Variants in TM4SF18 observed in about 807,000 individuals in gnomAD.
TM4SF18 encodes transmembrane 4 L six family member 18.
In TM4SF18, 22 loss-of-function variants were observed where a neutral mutation model predicts 23.8. The ratio of observed to expected loss-of-function variants is 0.92; its 90% confidence interval spans 0.66 to 1.32. TM4SF18 has a LOEUF of 1.32. Ranked by LOEUF, TM4SF18 falls within the 40% of genes most tolerant of loss-of-function variation. The pLI, the probability that TM4SF18 is intolerant of heterozygous loss-of-function variation, is 0.00. For missense variants in TM4SF18, 255 were observed against 240.3 expected (o/e 1.06, Z -0.41); for synonymous variants, 87 against 87.9 (o/e 0.99, Z 0.06).
At chr3:149,330,083 GA>G (rs139171549) in intron 3 of TM4SF18, 12 of 285,262 alleles carry the variant, frequency 4.2e-5, no homozygotes, top group Admixed American at 2.1e-4. Context: ...ACTTAGTTAG[GA>G]AAAAAAAGTA....
intron 3 of TM4SF18, among the ~76,000 whole-genome samples, chr3:149,327,738 A>G (rs756608751): frequency 1.9e-4 from 29 of 152,200 alleles, no homozygotes; most frequent in Non-Finnish European, 4.1e-4. Flanking sequence ...ACTGAGTATG[A>G]CATTAATATA....
intron 3 of TM4SF18, among the ~76,000 whole-genome samples, chr3:149,325,377 A>G (rs1239917198): frequency 6.6e-6 from 1 of 152,210 alleles, no homozygotes; most frequent in Non-Finnish European, 1.5e-5. Context: ...TTTTCTAGGT[A>G]GAGTGGGTTC....
intron 3 of TM4SF18, among the ~76,000 whole-genome samples, chr3:149,329,428 C>A (rs550000117): frequency 6.6e-6 from 1 of 152,156 alleles, no homozygotes; most frequent in East Asian, 1.9e-4. Context: ...TTCCAAGCTC[C>A]CAGGTGATTG....
In TM4SF18 at chr3:149,324,872, T is replaced by C. The variant is rs1730898547; in HGVS notation, c.410+8A>G. On this transcript the variant is annotated splice_region_variant and intron_variant, in intron 4 of 5. Coordinates refer to ENST00000296059, the MANE Select transcript of TM4SF18 (RefSeq NM_138786.4). Reference sequence around the variant, plus strand: ...CCGACCTCCTTGGTTTGGGGAATTATTCCTTACCGTCCAGCAGTGCCTTCA... The same window carrying C: ...CCGACCTCCTTGGTTTGGGGAATTACTCCTTACCGTCCAGCAGTGCCTTCA... 1.2e-6 allele frequency: 2 copies of C among 1,614,050 alleles called. No homozygotes were observed. The highest frequency in any genetic ancestry group is 1.7e-6 in the Non-Finnish European group (2 of 1,179,966).
intron 4 of TM4SF18, among the ~76,000 whole-genome samples, chr3:149,323,045 C>T (rs1018728954): frequency 2.6e-5 from 4 of 151,916 alleles, no homozygotes; most frequent in South Asian, 2.1e-4. Flanking sequence ...TACAGGCACC[C>T]GCCACCACGC....
In TM4SF18 at chr3:149,333,245, G is replaced by A. The variant is rs189886573; in HGVS notation, c.138C>T (p.Tyr46=). ...AACAGATTCCTTCAAAATACCACAC[G>A]TAGTTGGTGAGTTTATTGCTGGATG... ...SYASSNKLTN[Y]VWYFEGICFS... Residue 46 remains tyrosine (Y), a synonymous_variant, in exon 2 of 6, where the codon TAC becomes TAT. Coordinates refer to ENST00000296059, the MANE Select transcript of TM4SF18 (RefSeq NM_138786.4). 69 of 1,612,866 alleles carry A rather than the reference G, an allele frequency of 4.3e-5. No homozygotes were observed. The highest frequency in any genetic ancestry group is 5.5e-5 in the South Asian group (5 of 90,730).
intron 4 of TM4SF18, 72 bp downstream of exon 4, chr3:149,324,808 A>C: frequency 6.3e-7 from 1 of 1,587,616 alleles, no homozygotes; most frequent in Non-Finnish European, 8.6e-7. Flanking sequence ...ATGGAAAATG[A>C]GCGTGAGCTT....
At chr3:149,327,052 C>G (rs1730965451) in intron 3 of TM4SF18, among the ~76,000 whole-genome samples, 1 of 152,148 alleles carries the variant, frequency 6.6e-6, no homozygotes, top group African/African-American at 2.4e-5. Flanking sequence ...TGGGTTCAAA[C>G]GATTCTCCTG....
At position 149,322,289 on chromosome 3, in the gene TM4SF18, C is replaced by A; in HGVS notation, c.558G>T (p.Lys186Asn). ...CLIRVVMQLS[K>N]ILCGSYSVIF... ...TCACTGAATAGCTTCCACACAGTAT[C>A]TTGGATAGTTGCATGACTACTCTGA... The change falls in exon 5 of 6, where the codon AAG becomes AAT. Residue 186 changes from lysine (K) to asparagine (N), a missense_variant. Coordinates refer to ENST00000296059, the MANE Select transcript of TM4SF18 (RefSeq NM_138786.4). 5.6e-6 allele frequency: 9 copies of A among 1,613,940 alleles called. No individual in the cohort carries two copies. Among genetic ancestry groups the A allele is most frequent in the African/African-American group, 1.3e-5 (1 of 75,038 alleles).
rs189590361 is a variant in TM4SF18 at position 149,320,084 on chromosome 3, T to C, written c.*1394A>G. On this transcript the variant is annotated 3_prime_UTR_variant, in exon 6 of 6. Coordinates refer to ENST00000296059, the MANE Select transcript of TM4SF18 (RefSeq NM_138786.4). ...CAGCAGGCATCAAGGAGAAAGATAT[T>C]CTCTTCCGTATCCCCCCAGCCTACT... 1.3e-5 allele frequency: 2 copies of C among 152,392 alleles called. No individual in the cohort carries two copies. Among genetic ancestry groups the C allele is most frequent in the East Asian group, 3.9e-4 (2 of 5,176 alleles). The allele number at this position is 152,392 out of a possible 1,614,324, so 9.4% of individuals were successfully genotyped here.
At chr3:149,332,291 C>T (rs1340142967) in intron 2 of TM4SF18, among the ~76,000 whole-genome samples, 2 of 151,794 alleles carry the variant, frequency 1.3e-5, no homozygotes, top group East Asian at 1.9e-4. Flanking sequence ...AATTAAAAAC[C>T]CCTAAAAGAT....
rs1382169699 is a variant in TM4SF18, at chr3:149,320,146, T to C, written c.*1332A>G. On this transcript the variant is annotated 3_prime_UTR_variant, in exon 6 of 6. Transcript: ENST00000296059. ...GCACAGAGCAGGTGTTGACAGACCA[T>C]TGTTGACAGTGTCCATGGAGGAGAC... 1 of 152,306 alleles carries C rather than the reference T, an allele frequency of 6.6e-6. No homozygotes were observed. Among genetic ancestry groups the C allele is most frequent in the African/African-American group, 2.4e-5 (1 of 41,436 alleles). 9.4% of individuals were successfully genotyped at this position (152,306 alleles called of 1,614,324 possible).
At chr3:149,324,137 T>C (rs1009293835) in intron 4 of TM4SF18, among the ~76,000 whole-genome samples, 1 of 152,204 alleles carries the variant, frequency 6.6e-6, no homozygotes, top group Non-Finnish European at 1.5e-5. Flanking sequence ...CTCTTCTGTA[T>C]TTCTTTCTGG....
At chr3:149,332,857 A>G (rs890258453) in intron 2 of TM4SF18, among the ~76,000 whole-genome samples, 2 of 152,264 alleles carry the variant, frequency 1.3e-5, no homozygotes, top group Admixed American at 1.3e-4. Flanking sequence ...ACATGAGTGC[A>G]GACAGAAAAT....
At position 149,319,571 on chromosome 3, in the gene TM4SF18, T is replaced by G. The variant is rs1730759659; in HGVS notation, c.*1907A>C. 1 of 152,024 alleles carries G rather than the reference T, an allele frequency of 6.6e-6. No homozygotes were observed. The highest frequency in any genetic ancestry group is 6.6e-5 in the Admixed American group (1 of 15,264). The allele number at this position is 152,024 out of a possible 1,614,324, so 9.4% of individuals were successfully genotyped here. On this transcript the variant is annotated 3_prime_UTR_variant, in exon 6 of 6. Transcript: ENST00000296059. ...AGAGCTGCACTGATTTAGTCGGGGG[T>G]TTACTGAAATGATCAGCACAGTGAC...
chr3:149,320,617 C>T lies in TM4SF18; in HGVS notation c.*861G>A, dbSNP rs1280021619. 1 of 152,104 alleles carries T rather than the reference C, an allele frequency of 6.6e-6. No homozygotes were observed. The highest frequency in any genetic ancestry group is 2.4e-5 in the African/African-American group (1 of 41,390). The allele number at this position is 152,104 out of a possible 1,614,324, so 9.4% of individuals were successfully genotyped here. ...AGTTTATATAAAACTCTTTTTGGCTCATCTATATCACTACTTTCCTCATTG... is the reference window on the plus strand; with the variant it reads ...AGTTTATATAAAACTCTTTTTGGCTTATCTATATCACTACTTTCCTCATTG... On this transcript the variant is annotated 3_prime_UTR_variant, in exon 6 of 6. Coordinates refer to ENST00000296059, the MANE Select transcript of TM4SF18 (RefSeq NM_138786.4).
intron 3 of TM4SF18, among the ~76,000 whole-genome samples, chr3:149,329,502 C>G (rs1731042669): frequency 6.6e-6 from 1 of 152,152 alleles, no homozygotes; most frequent in South Asian, 2.1e-4. Flanking sequence ...CATCATAAAA[C>G]TCCTCCTAGC....
chr3:149,325,013 A>G lies in TM4SF18; in HGVS notation c.277T>C (p.Ser93Pro), dbSNP rs762617469. 3.7e-6 allele frequency: 6 copies of G among 1,613,826 alleles called. No homozygotes were observed. Among genetic ancestry groups the G allele is most frequent in the Non-Finnish European group, 4.2e-6 (5 of 1,179,838 alleles). The change falls in exon 4 of 6, where the codon TCA becomes CCA. Residue 93 changes from serine to proline, a missense_variant. Transcript: ENST00000296059. ...NCSKKYVTLL[S>P]IIFSSLGIAF... ...ATTCCGAGGGAAGAAAAGATAATTGACAGCAGTGTCTAAATTAAAACATAG... is the reference window on the plus strand; with the variant it reads ...ATTCCGAGGGAAGAAAAGATAATTGGCAGCAGTGTCTAAATTAAAACATAG...
At chr3:149,326,912 C>A (rs1306291655) in intron 3 of TM4SF18, among the ~76,000 whole-genome samples, 1 of 151,930 alleles carries the variant, frequency 6.6e-6, no homozygotes, top group East Asian at 1.9e-4. Flanking sequence ...GCTTACCCTG[C>A]CATAGACCTG....
Sources: allele counts gnomAD v4.1 joint callset (sites outside exome capture counted in the v4.1 genomes callset), GRCh38; gene constraint gnomAD v4.1.1; transcripts MANE v1.5; gene names NCBI Gene and HGNC (gene_info 2026-07-23, HGNC 2026-07-21).